Variants in CELF5 observed in about 807,000 individuals in gnomAD.
The protein encoded by CELF5 is CUGBP Elav-like family member 5.
In CELF5, 6 loss-of-function variants were observed where a neutral mutation model predicts 54.9. The observed-to-expected ratio is 0.11, with a 90% CI of 0.06 to 0.22. CELF5 has a LOEUF of 0.22. CELF5 is among the 10% of genes least tolerant of loss of function. The probability of loss-of-function intolerance (pLI) is 1.00; values close to 1 mark genes in which losing one functional copy is unlikely to be tolerated. For missense variants in CELF5, 401 were observed against 678.6 expected (o/e 0.59, Z 4.54); for synonymous variants, 271 against 290.9 (o/e 0.93, Z 0.70).
intron 1 of CELF5, among the ~76,000 whole-genome samples, chr19:3,247,489 T>G (rs1396081727): frequency 6.6e-6 from 1 of 151,252 alleles, no homozygotes; most frequent in Non-Finnish European, 1.5e-5. Flanking sequence ...CTTGAAATTG[T>G]GAACTCAAGT....
At chr19:3,257,080 A>T (rs2079738474) in intron 2 of CELF5, among the ~76,000 whole-genome samples, 2 of 152,122 alleles carry the variant, frequency 1.3e-5, no homozygotes, top group Admixed American at 1.3e-4. Context: ...AAGTGCTGGG[A>T]TTACAAGCGT....
intron 1 of CELF5, 86 bp from the exon 2 acceptor site, chr19:3,250,899 T>TAAAAAAAAAAAA: frequency 2.3e-6 from 2 of 888,296 alleles, no homozygotes; most frequent in Non-Finnish European, 3.7e-6. Flanking sequence ...TTGGGTTGCT[T>TAAAAAAAAAAAA]CCACCTAGTG....
chr19:3,281,403 A>G lies in CELF5; in HGVS notation c.750+58A>G. 2 of 1,545,018 alleles carry G rather than the reference A, an allele frequency of 1.3e-6. No homozygotes were observed. The highest frequency in any genetic ancestry group is 1.8e-6 in the Non-Finnish European group (2 of 1,141,506). On this transcript the variant is annotated intron_variant, in intron 6 of 12. Transcript: ENST00000292672. The surrounding 1 kb of genome is among the most constrained non-coding windows in gnomAD (Gnocchi z 6.5). ...GCTCCGTCTCTCTCAGTCTCTGTCT[A>G]CTCTCTGTCGGGCTCCTGCCTCTCC...
At chr19:3,283,359 T>C (rs542940736) in intron 8 of CELF5, among the ~76,000 whole-genome samples, 147 of 152,296 alleles carry the variant, frequency 9.7e-4, no homozygotes, top group African/African-American at 3.3e-3. Context: ...TTTTTATTTA[T>C]TTAGTTTTAG....
intron 11 of CELF5, 84 bp downstream of exon 11, chr19:3,290,458 C>CCCATTTTGGGACATTTT: frequency 2.1e-6 from 3 of 1,460,896 alleles, no homozygotes; most frequent in Non-Finnish European, 1.9e-6. Flanking sequence ...TGGTCGGCCT[C>CCCATTTTGGGACATTTT]GGGACAGGGC....
At position 3,282,622 on chromosome 19, in the gene CELF5, T is replaced by C; in HGVS notation, c.1039+124T>C. 1 of 1,116,032 alleles carries C rather than the reference T, an allele frequency of 9.0e-7. No homozygotes were observed. The highest frequency in any genetic ancestry group is 1.3e-6 in the Non-Finnish European group (1 of 792,096). The allele number at this position is 1,116,032 out of a possible 1,614,324, so 69.1% of individuals were successfully genotyped here. A position where few individuals can be genotyped will look rare whatever the true frequency, so the allele number is the denominator to read the frequency against. ...ACAGAAGGGCAGGAAAAAGGGTGTC[T>C]CCGCTGAGCAGATAAGAGCTGTGGA... On this transcript the variant is annotated intron_variant, in intron 8 of 12. Transcript: ENST00000292672. This position sits in a 1 kb window ranked among gnomAD's most constrained non-coding sequence, Gnocchi z 5.2.
chr19:3,254,904 T>C (rs1175977677), intron 2 of CELF5, among the ~76,000 whole-genome samples: 2 of 151,888 alleles, frequency 1.3e-5, no homozygotes, highest in African/African-American at 4.8e-5. Context: ...TACCCTTCCA[T>C]CCATCCATTC....
At chr19:3,256,575 T>G (rs1202571882) in intron 2 of CELF5, among the ~76,000 whole-genome samples, 4 of 144,066 alleles carry the variant, frequency 2.8e-5, no homozygotes, top group Non-Finnish European at 6.1e-5. Context: ...TTATTATTAT[T>G]AATTTTTTTT....
chr19:3,256,671 C>T (rs1373134655), intron 2 of CELF5, among the ~76,000 whole-genome samples: 2 of 151,208 alleles, frequency 1.3e-5, no homozygotes, highest in Admixed American at 6.6e-5. Context: ...TGGGTTCAAG[C>T]GATTCTCCTG....
At chr19:3,241,104 C>T (rs1212555990) in intron 1 of CELF5, among the ~76,000 whole-genome samples, 1 of 150,928 alleles carries the variant, frequency 6.6e-6, no homozygotes, top group African/African-American at 2.4e-5. Flanking sequence ...GCTCTGTCAC[C>T]AGGCTGGAGC....
chr19:3,248,899 TTC>T (rs2079606816), intron 1 of CELF5, among the ~76,000 whole-genome samples: 1 of 125,372 alleles, frequency 8.0e-6, no homozygotes, highest in Non-Finnish European at 1.6e-5. Context: ...CCTTCCTTCC[TTC>T]CTTCCTTTCT....
chr19:3,260,621 ATTT>A (rs34244242), intron 2 of CELF5, among the ~76,000 whole-genome samples: 2 of 104,634 alleles, frequency 1.9e-5, no homozygotes, highest in African/African-American at 3.8e-5. Flanking sequence ...CACCTGGCTA[ATTT>A]TTTTTTTTTT....
rs2080040742 is a variant in CELF5, at chr19:3,275,912, C to A, written c.451C>A (p.Leu151Met). The A allele has an allele frequency of 6.2e-7, 1 of 1,612,310 alleles. No individual in the cohort carries two copies. Among genetic ancestry groups the A allele is most frequent in the Admixed American group, 1.7e-5 (1 of 59,976 alleles). ...CAAGCAGCAGTCGGAGGAGGACGTGCTGCGGCTGTTCCAGCCCTTCGGGGT... is the reference window on the plus strand; with the variant it reads ...CAAGCAGCAGTCGGAGGAGGACGTGATGCGGCTGTTCCAGCCCTTCGGGGT... ...LNKQQSEEDV[L>M]RLFQPFGVID... Residue 151 changes from leucine to methionine, a missense_variant, in exon 4 of 13, where the codon CTG becomes ATG. By Grantham distance (15) the Leu-to-Met change is conservative. Coordinates refer to ENST00000292672, the MANE Select transcript of CELF5 (RefSeq NM_021938.4). This position sits in a 1 kb window ranked among gnomAD's most constrained non-coding sequence, Gnocchi z 6.7.
rs572308279 is a variant in CELF5, at chr19:3,242,105, G to A, written c.260-8880G>A. ...TGGCACTATTTTAAGGTTATTTCTA[G>A]GGAAGCAGGTACGGCAAGAGGCTGT... On this transcript the variant is annotated intron_variant, in intron 1 of 12. Coordinates refer to ENST00000292672, the MANE Select transcript of CELF5 (RefSeq NM_021938.4). Among the ~76,000 whole-genome samples, 56 of 152,266 alleles carry A rather than the reference G, an allele frequency of 3.7e-4. 2 individuals are homozygous for A. The South Asian group carries it at 4.3e-3, about 12-fold the overall frequency.
At chr19:3,254,002 G>T (rs8100116) in intron 2 of CELF5, among the ~76,000 whole-genome samples, 6 of 152,098 alleles carry the variant, frequency 3.9e-5, no homozygotes, top group Non-Finnish European at 8.8e-5. Flanking sequence ...CCTTGGAACT[G>T]GTTCTTTTCC....
intron 2 of CELF5, among the ~76,000 whole-genome samples, chr19:3,266,256 C>T (rs1220523680): frequency 1.3e-5 from 2 of 152,074 alleles, no homozygotes; most frequent in Admixed American, 6.6e-5. Context: ...CATGGCACCC[C>T]GGTGGGCATG....
At chr19:3,251,453 G>C (rs906076692) in intron 2 of CELF5, among the ~76,000 whole-genome samples, 16 of 152,088 alleles carry the variant, frequency 1.1e-4, no homozygotes, top group Admixed American at 1.0e-3. Context: ...GAGGAGGCCC[G>C]TGTGGCTGGA....
chr19:3,266,581 A>C (rs182459088), intron 2 of CELF5, among the ~76,000 whole-genome samples: 119 of 152,226 alleles, frequency 7.8e-4, no homozygotes, highest in African/African-American at 2.6e-3. Context: ...GGGTTGTTTC[A>C]CATGTCTGTT....
chr19:3,289,010 A>G (rs1038826119), intron 10 of CELF5, among the ~76,000 whole-genome samples: 1 of 152,182 alleles, frequency 6.6e-6, no homozygotes, highest in African/African-American at 2.4e-5. Flanking sequence ...TAGTTTTTAT[A>G]TTAGCCATCC....
Sources: allele counts gnomAD v4.1 joint callset (sites outside exome capture counted in the v4.1 genomes callset), GRCh38; gene constraint gnomAD v4.1.1; non-coding constraint Gnocchi (gnomAD v3.1); transcripts MANE v1.5; gene names NCBI Gene and HGNC (gene_info 2026-07-23, HGNC 2026-07-21).